RALGPS1: variants seen among roughly 807,000 people sequenced by gnomAD.
RALGPS1 encodes ras-specific guanine nucleotide-releasing factor RalGPS1.
RALGPS1 carries 19 observed loss-of-function variants against 78.8 expected under a neutral mutation model. The ratio of observed to expected loss-of-function variants is 0.24; its 90% confidence interval spans 0.17 to 0.35. The LOEUF is 0.35. RALGPS1 is among the 10% of genes least tolerant of loss of function. The pLI is 1.00. For missense variants in RALGPS1, 454 were observed against 688.3 expected (o/e 0.66, Z 3.81); for synonymous variants, 228 against 256.3 (o/e 0.89, Z 1.06).
intron 8 of RALGPS1, among the ~76,000 whole-genome samples, chr9:127,159,039 A>C (rs2058861782): frequency 6.6e-6 from 1 of 152,118 alleles, no homozygotes; most frequent in Non-Finnish European, 1.5e-5. Flanking sequence ...GGCAGAAAAA[A>C]GTGTCAGTTT....
At chr9:127,171,032 T>C (rs2059541739) in intron 10 of RALGPS1, among the ~76,000 whole-genome samples, 1 of 152,248 alleles carries the variant, frequency 6.6e-6, no homozygotes, top group African/African-American at 2.4e-5. Flanking sequence ...ATGGCTTAGT[T>C]ATTACCTTAG....
At chr9:127,014,078 C>G (rs2044601779) in intron 4 of RALGPS1, among the ~76,000 whole-genome samples, 1 of 152,232 alleles carries the variant, frequency 6.6e-6, no homozygotes, top group African/African-American at 2.4e-5. Flanking sequence ...TGAAGACTGA[C>G]TGGCATTACT....
At chr9:127,048,207 A>C (rs2047985365) in intron 5 of RALGPS1, among the ~76,000 whole-genome samples, 2 of 149,912 alleles carry the variant, frequency 1.3e-5, no homozygotes, top group African/African-American at 4.9e-5. Flanking sequence ...CCTCATCGTC[A>C]CTCACAACCC....
intron 4 of RALGPS1, chr9:126,990,126 G>T (rs2042156106): frequency 8.6e-7 from 1 of 1,160,676 alleles, no homozygotes; most frequent in Non-Finnish European, 1.2e-6. Context: ...TGGAATCAGT[G>T]TTTGGCCCTC....
At chr9:126,952,784 T>C (rs2037984046) in intron 1 of RALGPS1, among the ~76,000 whole-genome samples, 1 of 151,406 alleles carries the variant, frequency 6.6e-6, no homozygotes. Flanking sequence ...GTTGGAGGGG[T>C]TGTGGCAAAA....
chr9:126,933,982 CCA>C (rs917881886), intron 1 of RALGPS1, among the ~76,000 whole-genome samples: 5 of 152,116 alleles, frequency 3.3e-5, no homozygotes, highest in Non-Finnish European at 5.9e-5. Flanking sequence ...ATGCGTTTTC[CCA>C]CAGTGTCAGT....
At chr9:127,006,906 G>T (rs541426212) in intron 4 of RALGPS1, among the ~76,000 whole-genome samples, 5 of 131,442 alleles carry the variant, frequency 3.8e-5, no homozygotes, top group Admixed American at 7.6e-5. Context: ...TAGGGTGTCG[G>T]TATTAACTTT....
rs146712185 is a variant in RALGPS1 at position 127,023,773 on chromosome 9, C to T, written c.217-10658C>T. Among the ~76,000 whole-genome samples the T allele has an allele frequency of 4.3e-3, 649 of 152,250 alleles. 7 individuals are homozygous for T. The highest frequency in any genetic ancestry group is 0.015 in the African/African-American group (624 of 41,528). On this transcript the variant is annotated intron_variant, in intron 4 of 18. Coordinates refer to ENST00000259351, the MANE Select transcript of RALGPS1 (RefSeq NM_014636.3). ...AAACAGGGCTGGGCGCGGTGGCTCA[C>T]GTCTGTAATCCCAGCACTTTGGGAG...
At chr9:126,990,913 T>C (rs556690318) in intron 4 of RALGPS1, among the ~76,000 whole-genome samples, 3 of 152,320 alleles carry the variant, frequency 2.0e-5, no homozygotes, top group Non-Finnish European at 4.4e-5. Context: ...GTAGCAGTAG[T>C]AATAATACTA....
intron 4 of RALGPS1, among the ~76,000 whole-genome samples, chr9:127,020,874 G>A (rs532845982): frequency 7.7e-4 from 117 of 152,284 alleles, no homozygotes; most frequent in African/African-American, 2.8e-3. Context: ...CTCCAGCTAT[G>A]CCTCTATTTC....
intron 4 of RALGPS1, among the ~76,000 whole-genome samples, chr9:127,004,527 A>G (rs1383772882): frequency 6.6e-6 from 1 of 152,228 alleles, no homozygotes; most frequent in Non-Finnish European, 1.5e-5. Flanking sequence ...GATGGCATGA[A>G]GTGCTACTAC....
chr9:127,198,029 A>G (rs2061433455), intron 13 of RALGPS1, among the ~76,000 whole-genome samples: 1 of 152,262 alleles, frequency 6.6e-6, no homozygotes, highest in Non-Finnish European at 1.5e-5. Context: ...GCCTGAGTCC[A>G]GGCCTTGCTA....
At chr9:127,168,833 G>C (rs915580125) in intron 10 of RALGPS1, 61 bp downstream of exon 10, 2 of 1,408,358 alleles carry the variant, frequency 1.4e-6, no homozygotes, top group African/African-American at 2.8e-5. Flanking sequence ...TTAGTGCTCA[G>C]GTCCCTGCAA....
chr9:126,944,509 G>C (rs1203211672), intron 1 of RALGPS1, among the ~76,000 whole-genome samples: 2 of 135,850 alleles, frequency 1.5e-5, no homozygotes, highest in Non-Finnish European at 3.1e-5. Context: ...CTCCCATAAT[G>C]GTTTTTCACA....
chr9:126,989,807 G>A (rs921611220), intron 4 of RALGPS1: 13 of 1,510,614 alleles, frequency 8.6e-6, no homozygotes, highest in Non-Finnish European at 8.9e-6. Flanking sequence ...AGAGGGATTC[G>A]ATTTCACCCT....
chr9:127,037,322 G>A (rs1221503752), intron 5 of RALGPS1, among the ~76,000 whole-genome samples: 1 of 152,204 alleles, frequency 6.6e-6, no homozygotes, highest in Non-Finnish European at 1.5e-5. Context: ...TGGGAGAAAC[G>A]TGGTTCTAGT....
intron 1 of RALGPS1, among the ~76,000 whole-genome samples, chr9:126,956,119 G>A (rs192513114): frequency 1.3e-5 from 2 of 152,326 alleles, no homozygotes; most frequent in Admixed American, 1.3e-4. Context: ...TTGACCAGCA[G>A]AGACTTAATA....
chr9:127,141,639 A>T (rs997734411), intron 8 of RALGPS1, among the ~76,000 whole-genome samples: 8 of 150,668 alleles, frequency 5.3e-5, no homozygotes, highest in African/African-American at 1.9e-4. Context: ...AAAAAAAAAA[A>T]AGAAAGAAAG....
At chr9:127,079,077 G>A (rs2050938141) in intron 8 of RALGPS1, among the ~76,000 whole-genome samples, 1 of 152,132 alleles carries the variant, frequency 6.6e-6, no homozygotes, top group Non-Finnish European at 1.5e-5. Flanking sequence ...CTCAAAATAT[G>A]CCATGTGTTC....
Sources: gnomAD v4.1 joint callset for allele counts (sites outside exome capture counted in the v4.1 genomes callset) on GRCh38, gnomAD v4.1.1 for gene constraint, MANE v1.5 for transcripts, NCBI Gene and HGNC (gene_info 2026-07-23, HGNC 2026-07-21) for gene names.